Variants in C20orf96 observed in about 807,000 individuals in gnomAD.
C20orf96 encodes chromosome 20 open reading frame 96.
In C20orf96, 57 loss-of-function variants were observed where a neutral mutation model predicts 52.6. That is an observed-to-expected ratio of 1.08 (90% CI 0.88 to 1.35). C20orf96 has a LOEUF of 1.35. C20orf96 is among the 40% of genes most tolerant of loss of function. The probability of loss-of-function intolerance (pLI) is 0.00; values close to 1 mark genes in which losing one functional copy is unlikely to be tolerated. For synonymous variants in C20orf96, 168 were observed against 157.2 expected (o/e 1.07, Z -0.51); for missense variants, 478 against 443.6 (o/e 1.08, Z -0.70).
chr20:290,172 G>T, intron 2 of C20orf96, 87 bp downstream of exon 2: 1 of 1,050,722 alleles, frequency 9.5e-7, no homozygotes, highest in Non-Finnish European at 1.4e-6. Flanking sequence ...CTATATCCGC[G>T]GAGCAGTCAC....
In C20orf96 at chr20:289,598, G is replaced by T; in HGVS notation, c.148C>A (p.His50Asn). The T allele has an allele frequency of 6.2e-7, 1 of 1,614,090 alleles. No individual in the cohort carries two copies. The highest frequency in any genetic ancestry group is 8.5e-7 in the Non-Finnish European group (1 of 1,179,978). Residue 50 changes from histidine to asparagine, a missense_variant, in exon 3 of 11, where the codon CAT becomes AAT. By Grantham distance (68) the His-to-Asn change is moderately conservative (BLOSUM62 1). Coordinates refer to ENST00000360321, the MANE Select transcript of C20orf96 (RefSeq NM_153269.3). ...GTCAAAGTCTTCATTTTGCTTGTAT[G>T]AAGGCTGTTGGCTTGTTGGACTGGA... ...LPPVQQANSL[H>N]TSKMKTLTRV...
chr20:290,220 G>A (rs1260320022), intron 2 of C20orf96, 39 bp downstream of exon 2: 1 of 1,536,968 alleles, frequency 6.5e-7, no homozygotes, highest in Non-Finnish European at 9.0e-7. Flanking sequence ...TGCAGGGCCA[G>A]CGAGCCTCCC....
chr20:288,921 G>T (rs546186997), intron 3 of C20orf96, among the ~76,000 whole-genome samples: 1 of 152,304 alleles, frequency 6.6e-6, no homozygotes, highest in Non-Finnish European at 1.5e-5. Context: ...AAGGCTCAGA[G>T]AGATGAATGA....
chr20:286,139 T>C (rs1286353582), intron 3 of C20orf96, among the ~76,000 whole-genome samples: 2 of 152,228 alleles, frequency 1.3e-5, no homozygotes, highest in Admixed American at 1.3e-4. Flanking sequence ...TTTATTTTCA[T>C]TATTGGTAGT....
chr20:277,319 G>A lies in C20orf96; in HGVS notation c.630C>T (p.Phe210=). The change falls in exon 7 of 11, where the codon TTC becomes TTT. Residue 210 remains phenylalanine (F), a synonymous_variant. Coordinates refer to ENST00000360321, the MANE Select transcript of C20orf96 (RefSeq NM_153269.3). The part of the protein sequence containing the change: ...KIEKTQEEVN[F]LSTYMDHEYS... ...ACTCATGGTCCATGTAAGTGCTCAG[G>A]AAGTTCACTTCCTCCTGGGTCTTCT... 6.2e-7 allele frequency: 1 copy of A among 1,614,130 alleles called. No individual in the cohort carries two copies. Among genetic ancestry groups the A allele is most frequent in the Non-Finnish European group, 8.5e-7 (1 of 1,180,018 alleles).
intron 10 of C20orf96, among the ~76,000 whole-genome samples, chr20:272,557 A>G (rs1340786991): frequency 6.6e-6 from 1 of 151,910 alleles, no homozygotes; most frequent in Non-Finnish European, 1.5e-5. Context: ...AGGTCTCACT[A>G]TGTTGTCCCC....
chr20:290,496 G>T (rs2012514599), intron 1 of C20orf96, 95 bp downstream of exon 1: 2 of 1,558,390 alleles, frequency 1.3e-6, no homozygotes, highest in East Asian at 2.4e-5. Context: ...GACCGAGGGC[G>T]ACCTCGAGGC....
chr20:287,107 C>T (rs143987818), intron 3 of C20orf96, among the ~76,000 whole-genome samples: 69 of 152,244 alleles, frequency 4.5e-4, no homozygotes, highest in African/African-American at 1.1e-3. Context: ...GAATTATGAA[C>T]GAGGCTGCTA....
At chr20:280,473 A>G (rs1172735137) in intron 4 of C20orf96, among the ~76,000 whole-genome samples, 1 of 152,254 alleles carries the variant, frequency 6.6e-6, no homozygotes, top group Non-Finnish European at 1.5e-5. Flanking sequence ...CAGGTGGCAC[A>G]TGGTATCTGT....
intron 6 of C20orf96, among the ~76,000 whole-genome samples, 193 bp from the exon 7 acceptor site, chr20:277,576 G>A (rs938276233): frequency 6.6e-6 from 1 of 152,132 alleles, no homozygotes; most frequent in Admixed American, 6.5e-5. Flanking sequence ...CAGGAGAAGA[G>A]GCAATGCTGG....
intron 3 of C20orf96, among the ~76,000 whole-genome samples, chr20:284,976 G>A (rs997211202): frequency 1.3e-5 from 2 of 152,148 alleles, no homozygotes; most frequent in Admixed American, 1.3e-4. Context: ...CTATAAAATG[G>A]GAATAATCAT....
At chr20:286,946 G>A (rs2122318832) in intron 3 of C20orf96, among the ~76,000 whole-genome samples, 1 of 152,144 alleles carries the variant, frequency 6.6e-6, no homozygotes, top group South Asian at 2.1e-4. Flanking sequence ...TTTTTTACTT[G>A]GCATAATTCT....
rs1336263718 is a variant in C20orf96 at position 279,058 on chromosome 20, C to G, written c.465+114G>C. 673 of 94,464 alleles carry G rather than the reference C, an allele frequency of 7.1e-3. 43 individuals are homozygous for G. The highest frequency in any genetic ancestry group is 0.011 in the South Asian group (73 of 6,406). The allele number at this position is 94,464 out of a possible 1,614,324, so 5.9% of individuals were successfully genotyped here. On this transcript the variant is annotated intron_variant, in intron 5 of 10. Coordinates refer to ENST00000360321, the MANE Select transcript of C20orf96 (RefSeq NM_153269.3). ...CGGGACGGAGGGCGGGAGGGCGGGA[C>G]GGAGGGAGGGAGGGAGGGAGGGACG... is the stretch of plus-strand genomic sequence containing the variant.
At chr20:286,577 G>A (rs957082761) in intron 3 of C20orf96, among the ~76,000 whole-genome samples, 4 of 149,200 alleles carry the variant, frequency 2.7e-5, no homozygotes, top group African/African-American at 1.0e-4. Flanking sequence ...GGGAAGGGAG[G>A]GGAGAGGAAA....
intron 4 of C20orf96, among the ~76,000 whole-genome samples, chr20:283,724 G>A (rs8125834): frequency 0.51 from 77,328 of 151,992 alleles, 20,011 homozygotes; most frequent in East Asian, 0.59. Flanking sequence ...TTGTTTAACT[G>A]GCTTTGACCC....
At chr20:275,475 G>C (rs2011988247) in intron 10 of C20orf96, among the ~76,000 whole-genome samples, 1 of 152,206 alleles carries the variant, frequency 6.6e-6, no homozygotes, top group South Asian at 2.1e-4. Flanking sequence ...GTGTCATCAA[G>C]GAGAGGTAAG....
At chr20:285,003 A>G (rs1044535176) in intron 3 of C20orf96, among the ~76,000 whole-genome samples, 3 of 152,196 alleles carry the variant, frequency 2.0e-5, no homozygotes, top group Non-Finnish European at 4.4e-5. Flanking sequence ...CACCTCATAG[A>G]GTCTTCCTGA....
At chr20:271,373 G>T in intron 10 of C20orf96, 106 bp from the exon 11 acceptor site, 1 of 884,288 alleles carries the variant, frequency 1.1e-6, no homozygotes, top group Non-Finnish European at 1.7e-6. Context: ...TACTTGGGTT[G>T]GGGGGCAATC....
intron 9 of C20orf96, chr20:276,463 A>G (rs1406674649): frequency 1.0e-6 from 1 of 985,364 alleles, no homozygotes; most frequent in Non-Finnish European, 1.2e-6. Context: ...GAAGTTCATT[A>G]ACACTGATAA....
Sources: gnomAD v4.1 joint callset for allele counts (sites outside exome capture counted in the v4.1 genomes callset) on GRCh38, gnomAD v4.1.1 for gene constraint, MANE v1.5 for transcripts, NCBI Gene and HGNC (gene_info 2026-07-23, HGNC 2026-07-21) for gene names.